TRIO: variants seen among roughly 807,000 people sequenced by gnomAD.
TRIO encodes triple functional domain protein.
Under a neutral mutation model 351.9 loss-of-function variants are expected in TRIO, and 58 were observed. That is an observed-to-expected ratio of 0.16 (90% CI 0.13 to 0.21). The LOEUF is 0.21. Ranked by LOEUF, TRIO falls within the 10% of genes least tolerant of loss-of-function variation. TRIO has a pLI of 1.00. For synonymous variants in TRIO, 1,758 were observed against 1,595.7 expected, an observed-to-expected ratio of 1.10 and a Z score of -2.42; for missense variants, 3,201 against 4,027.8, an observed-to-expected ratio of 0.79 and a Z score of 5.56.
intron 1 of TRIO, among the ~76,000 whole-genome samples, chr5:14,257,107 A>T (rs1795065726): frequency 6.6e-6 from 1 of 152,220 alleles, no homozygotes; most frequent in African/African-American, 2.4e-5. Flanking sequence ...GGGAGCCCAA[A>T]GGTGGAAGCC....
intron 8 of TRIO, among the ~76,000 whole-genome samples, chr5:14,313,067 C>T (rs165082): frequency 0.012 from 1,902 of 152,232 alleles, 40 homozygotes; most frequent in African/African-American, 0.043. Context: ...GGTTTATTGG[C>T]GAAATGCTGT....
chr5:14,395,015 C>T (rs1242774283), intron 28 of TRIO, among the ~76,000 whole-genome samples: 1 of 152,118 alleles, frequency 6.6e-6, no homozygotes, highest in Non-Finnish European at 1.5e-5. Context: ...TGAATCCTGC[C>T]ATGTTCCAGG....
chr5:14,367,030 A>G (rs111774346), intron 16 of TRIO, 51 bp downstream of exon 16: 22 of 1,607,852 alleles, frequency 1.4e-5, no homozygotes, highest in Middle Eastern at 1.7e-4. Context: ...CCTCAGGACA[A>G]ACATCCTGAA....
chr5:14,449,598 C>T (rs955856308), intron 34 of TRIO, among the ~76,000 whole-genome samples: 3 of 152,226 alleles, frequency 2.0e-5, no homozygotes, highest in Admixed American at 2.0e-4. Context: ...TGTCCACCAG[C>T]TGCAGACCAC....
At chr5:14,230,822 C>G (rs1261089581) in intron 1 of TRIO, among the ~76,000 whole-genome samples, 1 of 152,090 alleles carries the variant, frequency 6.6e-6, no homozygotes, top group Non-Finnish European at 1.5e-5. Flanking sequence ...GTAATTAAAG[C>G]ACTGGAAATG....
At position 14,202,318 on chromosome 5, in the gene TRIO, T is replaced by A. The variant is rs1160599274; in HGVS notation, c.157+58436T>A. ...GATTTTTTTTTTTTTTTTTTTTTTT[T>A]TTTTTTTTTTTTGCTCATCAGCTAT... On this transcript the variant is annotated intron_variant, in intron 1 of 56. Transcript: ENST00000344204. Among the ~76,000 whole-genome samples the A allele has an allele frequency of 4.7e-4, 54 of 115,204 alleles. 1 individual carries two copies. The highest frequency in any genetic ancestry group is 1.8e-3 in the African/African-American group (52 of 29,436). The allele number at this position is 115,204 out of a possible 152,430, so 75.6% of individuals were successfully genotyped here.
chr5:14,301,408 G>A (rs148344711), intron 7 of TRIO, among the ~76,000 whole-genome samples: 30 of 151,976 alleles, frequency 2.0e-4, no homozygotes, highest in Non-Finnish European at 4.0e-4. Context: ...TTGTGTTCAC[G>A]TATTTTGATC....
At chr5:14,444,725 C>T (rs765897951) in intron 34 of TRIO, among the ~76,000 whole-genome samples, 2 of 151,798 alleles carry the variant, frequency 1.3e-5, no homozygotes, top group East Asian at 1.9e-4. Flanking sequence ...ATGTTAAACA[C>T]GAAAAAAGAG....
intron 11 of TRIO, among the ~76,000 whole-genome samples, chr5:14,343,680 T>C (rs190323345): frequency 1.8e-4 from 28 of 152,342 alleles, no homozygotes; most frequent in Middle Eastern, 3.4e-3. Flanking sequence ...ATTCGAGTTA[T>C]TTTCCGTTTT....
At chr5:14,258,843 T>G (rs1390283619) in intron 1 of TRIO, among the ~76,000 whole-genome samples, 1 of 152,140 alleles carries the variant, frequency 6.6e-6, no homozygotes, top group Non-Finnish European at 1.5e-5. Flanking sequence ...GTGGGAACTT[T>G]TTGTGATCAC....
chr5:14,464,111 G>A (rs545720258), intron 36 of TRIO, among the ~76,000 whole-genome samples: 1 of 152,260 alleles, frequency 6.6e-6, no homozygotes, highest in East Asian at 1.9e-4. Flanking sequence ...TGAGGTGAGA[G>A]GACCACAGCC....
At chr5:14,491,288 A>G (rs1057329505) in intron 48 of TRIO, among the ~76,000 whole-genome samples, 1 of 152,206 alleles carries the variant, frequency 6.6e-6, no homozygotes, top group Admixed American at 6.5e-5. Context: ...GAGGCGGTAG[A>G]GCAGGGTTAT....
At chr5:14,389,125 G>C (rs1212842704) in intron 24 of TRIO, among the ~76,000 whole-genome samples, 164 bp from the exon 25 acceptor site, 1 of 152,200 alleles carries the variant, frequency 6.6e-6, no homozygotes, top group Non-Finnish European at 1.5e-5. Flanking sequence ...AACAGCAACT[G>C]AGGGCCTTTT....
chr5:14,275,867 T>TATAG (rs1491131883), intron 2 of TRIO, among the ~76,000 whole-genome samples: 1 of 30,662 alleles, frequency 3.3e-5, no homozygotes, highest in Non-Finnish European at 9.9e-5. Flanking sequence ...TCTATGTGTG[T>TATAG]ATATATATAT....
chr5:14,464,834 G>A (rs564950315), intron 36 of TRIO, among the ~76,000 whole-genome samples: 5 of 152,158 alleles, frequency 3.3e-5, no homozygotes, highest in Admixed American at 1.3e-4. Context: ...CTGCAAACAC[G>A]TCGTGTTTGC....
Position 14,390,891 on chromosome 5 carries a change from T to C in TRIO, c.4129-10T>C, listed in dbSNP as rs1561431468. 1.3e-6 allele frequency: 2 copies of C among 1,584,058 alleles called. No homozygotes were observed. Among genetic ancestry groups the C allele is most frequent in the Non-Finnish European group, 1.7e-6 (2 of 1,170,204 alleles). On this transcript the variant is annotated splice_polypyrimidine_tract_variant and intron_variant, in intron 26 of 56. Transcript: ENST00000344204. ...GATTTAAATGAGATCTTTTTTTTTT[T>C]GGCTTACAGGCAGACAAGTTTCAGA...
chr5:14,200,259 C>A (rs73057524), intron 1 of TRIO, among the ~76,000 whole-genome samples: 2 of 152,174 alleles, frequency 1.3e-5, no homozygotes, highest in African/African-American at 4.8e-5. Context: ...TTCCCTTCCC[C>A]GTGAATCCCC....
At position 14,474,115 on chromosome 5, in the gene TRIO, G is replaced by T. The variant is rs752742886; in HGVS notation, c.6083+18G>T. ...CACAGAGAGTACGTAAACATGCATT[G>T]TGCCCGATGGTGTGCAAAGCAGCCA... is the stretch of plus-strand genomic sequence containing the variant. On this transcript the variant is annotated intron_variant, in intron 40 of 56. Coordinates refer to ENST00000344204, the MANE Select transcript of TRIO (RefSeq NM_007118.4). 1.1e-5 allele frequency: 17 copies of T among 1,602,162 alleles called. No individual in the cohort carries two copies. In the Admixed American group the frequency reaches 1.8e-4, roughly 17 times the overall value.
intron 40 of TRIO, among the ~76,000 whole-genome samples, chr5:14,476,655 A>G (rs1334103810): frequency 6.6e-6 from 1 of 152,110 alleles, no homozygotes; most frequent in Admixed American, 6.5e-5. Context: ...TTAGCTAGGC[A>G]TAGTGGTGCA....
Sources: allele counts gnomAD v4.1 joint callset (sites outside exome capture counted in the v4.1 genomes callset), GRCh38; gene constraint gnomAD v4.1.1; transcripts MANE v1.5; gene names NCBI Gene and HGNC (gene_info 2026-07-23, HGNC 2026-07-21).